The following TNFRSF10C variants were observed in gnomAD, a reference collection of about 807,000 sequenced individuals.
TNFRSF10C encodes the protein tumor necrosis factor receptor superfamily member 10C.
A neutral mutation model predicts 16.7 loss-of-function variants in TNFRSF10C; 17 were observed. The observed-to-expected ratio is 1.02, with a 90% CI of 0.70 to 1.53. TNFRSF10C has a LOEUF of 1.53. Ranked by LOEUF, TNFRSF10C falls within the 40% of genes most tolerant of loss-of-function variation. TNFRSF10C has a pLI of 0.00. For synonymous variants in TNFRSF10C, 73 were observed against 119.7 expected, an observed-to-expected ratio of 0.61 and a Z score of 2.55; for missense variants, 237 against 329.7, an observed-to-expected ratio of 0.72 and a Z score of 2.18.
At chr8:23,111,212 A>T (rs1268394920) in intron 1 of TNFRSF10C, among the ~76,000 whole-genome samples, 3 of 147,972 alleles carry the variant, frequency 2.0e-5, no homozygotes, top group African/African-American at 7.4e-5. Flanking sequence ...TTTTCTTTTC[A>T]TTTTTTCTTT....
At chr8:23,105,726 C>G (rs906368431) in intron 1 of TNFRSF10C, among the ~76,000 whole-genome samples, 3 of 152,202 alleles carry the variant, frequency 2.0e-5, no homozygotes, top group Non-Finnish European at 2.9e-5. Context: ...CAGTGAGGCT[C>G]TAGCTTCTAG....
intron 1 of TNFRSF10C, among the ~76,000 whole-genome samples, chr8:23,110,034 G>GCTCCAACAT (rs1176054629): frequency 8.5e-6 from 1 of 118,314 alleles, no homozygotes; most frequent in East Asian, 2.6e-4. Flanking sequence ...TGCACTCTGC[G>GCTCCAACAT]CTCCAACATG....
intron 1 of TNFRSF10C, among the ~76,000 whole-genome samples, chr8:23,106,787 C>A (rs1813784918): frequency 6.6e-6 from 1 of 151,906 alleles, no homozygotes; most frequent in South Asian, 2.1e-4. Context: ...GAGATCGAGA[C>A]CATCCTGGCT....
At chr8:23,114,172 G>C (rs549014180) in intron 2 of TNFRSF10C, among the ~76,000 whole-genome samples, 2 of 152,124 alleles carry the variant, frequency 1.3e-5, no homozygotes, top group East Asian at 1.9e-4. Context: ...CCCAGGTTTC[G>C]GGGGCTTGGG....
chr8:23,108,154 G>A (rs1030605219), intron 1 of TNFRSF10C, among the ~76,000 whole-genome samples: 2 of 152,020 alleles, frequency 1.3e-5, no homozygotes, highest in African/African-American at 4.8e-5. Flanking sequence ...AAAAGCTTTA[G>A]AACAGGAAGG....
intron 1 of TNFRSF10C, among the ~76,000 whole-genome samples, chr8:23,111,228 T>A (rs1489214748): frequency 1.3e-5 from 2 of 151,994 alleles, no homozygotes; most frequent in Non-Finnish European, 2.9e-5. Flanking sequence ...TCTTTTTTTT[T>A]TTTATTTGAG....
intron 1 of TNFRSF10C, among the ~76,000 whole-genome samples, chr8:23,108,421 A>C (rs1202604490): frequency 6.6e-6 from 1 of 152,166 alleles, no homozygotes; most frequent in African/African-American, 2.4e-5. Flanking sequence ...GTAACCAGTT[A>C]TTACTTTAGA....
chr8:23,103,230 G>C (rs749917314), intron 1 of TNFRSF10C, 49 bp downstream of exon 1: 1 of 1,589,042 alleles, frequency 6.3e-7, no homozygotes, highest in South Asian at 1.1e-5. Context: ...ACCTGGCGCC[G>C]GGAGGGGGCA....
rs1814003802 is a variant in TNFRSF10C at position 23,117,078 on chromosome 8, G to A, written c.*47G>A. 4 of 1,593,750 alleles carry A rather than the reference G, an allele frequency of 2.5e-6. No homozygotes were observed. The East Asian group carries it at 8.9e-5, about 36-fold the overall frequency. On this transcript the variant is annotated 3_prime_UTR_variant, in exon 5 of 5. Transcript: ENST00000356864. ...TTCCTTCCTTACCTGAAAGGTTCAG[G>A]TAGGCGCTGGCTGAGGGCGGGGGGC...
chr8:23,106,866 A>T lies in TNFRSF10C; in HGVS notation c.60+3685A>T, dbSNP rs1813787889. Among the ~76,000 whole-genome samples the T allele has an allele frequency of 2.0e-5, 3 of 151,876 alleles. No homozygotes were observed. In the South Asian group the frequency reaches 6.2e-4, roughly 32 times the overall value. On this transcript the variant is annotated intron_variant, in intron 1 of 4. Coordinates refer to ENST00000356864, the MANE Select transcript of TNFRSF10C (RefSeq NM_003841.5). The stretch of plus-strand genomic sequence containing the variant: ...GCGGAGTGTGGTGGCGGGTGCCTGT[A>T]GTCCCAGCTACTGGAGAGGCTGAGG...
At chr8:23,107,982 C>G (rs1050494913) in intron 1 of TNFRSF10C, among the ~76,000 whole-genome samples, 1 of 152,108 alleles carries the variant, frequency 6.6e-6, no homozygotes, top group African/African-American at 2.4e-5. Context: ...ATTTTGTTAG[C>G]GGTGGATGAG....
At chr8:23,115,459 G>A (rs1478338957) in intron 3 of TNFRSF10C, 49 bp from the exon 4 acceptor site, 10 of 1,525,756 alleles carry the variant, frequency 6.6e-6, no homozygotes, top group Non-Finnish European at 9.0e-6. Context: ...GGAAGATCGA[G>A]GGATACATCA....
chr8:23,117,259 A>T lies in TNFRSF10C; in HGVS notation c.*228A>T. ...GTGCACCCCCCAGGACCCTGGTCTC[A>T]TCAGTCCCTCTCCTGGAGCTGGGGG... is the stretch of plus-strand genomic sequence containing the variant. On this transcript the variant is annotated 3_prime_UTR_variant, in exon 5 of 5. Transcript: ENST00000356864. 1 of 652,468 alleles carries T rather than the reference A, an allele frequency of 1.5e-6. No homozygotes were observed. The highest frequency in any genetic ancestry group is 2.6e-6 in the Non-Finnish European group (1 of 391,930). 40.4% of individuals were successfully genotyped at this position (652,468 alleles called of 1,614,324 possible). A position where few individuals can be genotyped will look rare whatever the true frequency, so the allele number is the denominator to read the frequency against.
chr8:23,103,021 G>C lies in TNFRSF10C; in HGVS notation c.-101G>C, dbSNP rs564770705. The C allele has an allele frequency of 6.4e-7, 1 of 1,556,100 alleles. No homozygotes were observed. Among genetic ancestry groups the C allele is most frequent in the Non-Finnish European group, 8.7e-7 (1 of 1,149,440 alleles). ...CCAGAGATGCAAGGGGTGAAGGAGC[G>C]CTTCCTACCGTTAGGGAACTCTGGG... On this transcript the variant is annotated 5_prime_UTR_variant, in exon 1 of 5. Transcript: ENST00000356864.
rs1312825716 is a variant in TNFRSF10C, at chr8:23,117,353, AG to A, written c.*327del. Reference sequence around the variant, plus strand: ...CTCCCATCTTCAGGCCCAGCCAGGCAGGGGGCAGTCGGCTCCTCAACTGGGT... The same window carrying A: ...CTCCCATCTTCAGGCCCAGCCAGGCAGGGGCAGTCGGCTCCTCAACTGGGT... On this transcript the variant is annotated 3_prime_UTR_variant, in exon 5 of 5. Coordinates refer to ENST00000356864, the MANE Select transcript of TNFRSF10C (RefSeq NM_003841.5). 2 of 455,986 alleles carry A rather than the reference AG, an allele frequency of 4.4e-6. No individual in the cohort carries two copies. Among genetic ancestry groups the A allele is most frequent in the African/African-American group, 3.9e-5 (2 of 51,518 alleles). 28.2% of individuals were successfully genotyped at this position (455,986 alleles called of 1,614,324 possible). A position where few individuals can be genotyped will look rare whatever the true frequency, so the allele number is the denominator to read the frequency against.
intron 3 of TNFRSF10C, among the ~76,000 whole-genome samples, chr8:23,115,132 A>G (rs544113540): frequency 6.6e-6 from 1 of 151,912 alleles, no homozygotes; most frequent in South Asian, 2.1e-4. Context: ...CTCAGCCTTC[A>G]GGTTCTCAGG....
At position 23,103,037 on chromosome 8, in the gene TNFRSF10C, G is replaced by T. The variant is rs1381606606; in HGVS notation, c.-85G>T. 1.9e-6 allele frequency: 3 copies of T among 1,566,020 alleles called. No individual in the cohort carries two copies. The highest frequency in any genetic ancestry group is 2.6e-6 in the Non-Finnish European group (3 of 1,155,388). ...TGAAGGAGCGCTTCCTACCGTTAGG[G>T]AACTCTGGGGACAGAGCGCCCCGGC... On this transcript the variant is annotated 5_prime_UTR_variant, in exon 1 of 5. Coordinates refer to ENST00000356864, the MANE Select transcript of TNFRSF10C (RefSeq NM_003841.5).
chr8:23,111,305 C>G (rs371567719), intron 1 of TNFRSF10C, among the ~76,000 whole-genome samples: 1 of 151,970 alleles, frequency 6.6e-6, no homozygotes, highest in South Asian at 2.1e-4. Context: ...CAACCTCTGC[C>G]TCTCAGGTTC....
chr8:23,103,120 C>T lies in TNFRSF10C; in HGVS notation c.-2C>T. Reference sequence around the variant, plus strand: ...ACCCAGGACGGCGTCGGGAACCATACCATGGCCCGGATCCCCAAGACCCTA... The same window carrying T: ...ACCCAGGACGGCGTCGGGAACCATATCATGGCCCGGATCCCCAAGACCCTA... On this transcript the variant is annotated 5_prime_UTR_variant, in exon 1 of 5. Coordinates refer to ENST00000356864, the MANE Select transcript of TNFRSF10C (RefSeq NM_003841.5). 3.7e-6 allele frequency: 6 copies of T among 1,611,402 alleles called. No homozygotes were observed.
Sources: gnomAD v4.1 joint callset for allele counts (sites outside exome capture counted in the v4.1 genomes callset) on GRCh38, gnomAD v4.1.1 for gene constraint, MANE v1.5 for transcripts, NCBI Gene and HGNC (gene_info 2026-07-23, HGNC 2026-07-21) for gene names.